The following PIGQ variants were observed in gnomAD, a reference collection of about 807,000 sequenced individuals.
The protein encoded by PIGQ is phosphatidylinositol glycan anchor biosynthesis class Q, also known as phosphatidylinositol N-acetylglucosaminyltransferase subunit Q.
Under a neutral mutation model 60.3 loss-of-function variants are expected in PIGQ, and 54 were observed. That is an observed-to-expected ratio of 0.90 (90% CI 0.72 to 1.12). The LOEUF is 1.12. Ranked by LOEUF, PIGQ falls within the 50% of genes most tolerant of loss-of-function variation. The pLI, the probability that PIGQ is intolerant of heterozygous loss-of-function variation, is 0.00. For synonymous variants in PIGQ, 416 were observed against 363.7 expected (o/e 1.14, Z -1.64); for missense variants, 799 against 793.5 (o/e 1.01, Z -0.08).
chr16:582,214 G>A lies in PIGQ; in HGVS notation c.1532-34G>A, dbSNP rs1246104131. 17 of 1,472,442 alleles carry A rather than the reference G, an allele frequency of 1.2e-5. No individual in the cohort carries two copies. The Admixed American group carries it at 1.5e-4, about 13-fold the overall frequency. The allele number at this position is 1,472,442 out of a possible 1,614,324, so 91.2% of individuals were successfully genotyped here. A position where few individuals can be genotyped will look rare whatever the true frequency, so the allele number is the denominator to read the frequency against. On this transcript the variant is annotated intron_variant, in intron 9 of 10. Coordinates refer to ENST00000321878, the MANE Select transcript of PIGQ (RefSeq NM_004204.5). ...GCTCATGTGTGGGGCCAGCCCCCAC[G>A]CGTCCCCTCGTCAGCCGCTTGCTAT...
At chr16:578,279 A>C (rs2035752022) in intron 4 of PIGQ, 100 bp from the exon 5 acceptor site, 1 of 1,262,086 alleles carries the variant, frequency 7.9e-7, no homozygotes, top group Non-Finnish European at 1.1e-6. Context: ...TGGAGGAGGG[A>C]AGGCTGGCCA....
At chr16:570,213 A>T (rs2035598548) in intron 1 of PIGQ, 117 bp downstream of exon 1, 1 of 151,708 alleles carries the variant, frequency 6.6e-6, no homozygotes, top group Admixed American at 6.6e-5. Context: ...CTCCTCCCAG[A>T]AGTGGGGCCG....
chr16:575,787 G>T, intron 2 of PIGQ, 52 bp from the exon 3 acceptor site: 2 of 1,533,402 alleles, frequency 1.3e-6, no homozygotes, highest in Non-Finnish European at 1.8e-6. Flanking sequence ...GTGGGGGACG[G>T]TGGGAGGAGG....
chr16:582,369 G>T, intron 10 of PIGQ, 60 bp downstream of exon 10: 2 of 1,276,280 alleles, frequency 1.6e-6, no homozygotes, highest in Non-Finnish European at 2.2e-6. Flanking sequence ...GGACGGTGGG[G>T]TCAGCTGGGT....
intron 8 of PIGQ, 88 bp downstream of exon 8, chr16:580,351 G>C: frequency 9.2e-7 from 1 of 1,085,208 alleles, no homozygotes. Context: ...GCTGTGGGGC[G>C]GGCTGTCTCC....
At chr16:579,045 G>C (rs1220710591) in intron 6 of PIGQ, 24 bp from the exon 7 acceptor site, 2 of 1,596,712 alleles carry the variant, frequency 1.3e-6, no homozygotes, top group African/African-American at 1.3e-5. Context: ...GCGGGGCCGG[G>C]CCCGACAGCA....
At chr16:578,549 C>T in intron 5 of PIGQ, 44 bp downstream of exon 5, 1 of 1,596,076 alleles carries the variant, frequency 6.3e-7, no homozygotes, top group African/African-American at 1.3e-5. Context: ...CCAGAGCTTG[C>T]TGAAGAGGGT....
chr16:581,125 T>A (rs1412863485), intron 9 of PIGQ, 153 bp downstream of exon 9: 1 of 1,442,014 alleles, frequency 6.9e-7, no homozygotes, highest in Non-Finnish European at 9.4e-7. Context: ...CAGGGCCTCC[T>A]AGTCCCAGAG....
At chr16:573,898 G>A (rs947011215) in intron 1 of PIGQ, among the ~76,000 whole-genome samples, 168 bp from the exon 2 acceptor site, 4 of 152,308 alleles carry the variant, frequency 2.6e-5, no homozygotes, top group East Asian at 1.9e-4. Flanking sequence ...TGGCCCACGC[G>A]AGGCGGCAGC....
rs2035714888 is a variant in PIGQ at position 576,193 on chromosome 16, C to A, written c.881C>A (p.Ser294Tyr). 12 of 1,550,098 alleles carry A rather than the reference C, an allele frequency of 7.7e-6. No individual in the cohort carries two copies. The East Asian group carries it at 2.9e-4, about 38-fold the overall frequency. ...GTGGCCCTGGGCCTCATGCTGCTGTCCTGGCTCCACGGGAGAAGCCGCATC... is the reference window on the plus strand; with the variant it reads ...GTGGCCCTGGGCCTCATGCTGCTGTACTGGCTCCACGGGAGAAGCCGCATC... ...LDVALGLMLL[S>Y]WLHGRSRIGH... The change falls in exon 4 of 11, where the codon TCC (serine) becomes TAC (tyrosine). Residue 294 changes from serine to tyrosine, a missense_variant. Physicochemically the swap from Ser to Tyr is moderately radical, Grantham distance 144. Transcript: ENST00000321878.
intron 4 of PIGQ, 79 bp from the exon 5 acceptor site, chr16:578,300 C>G (rs1200328511): frequency 1.2e-5 from 17 of 1,462,396 alleles, no homozygotes; most frequent in Non-Finnish European, 1.5e-5. Flanking sequence ...AGGTGGGAGC[C>G]CATCACGAAA....
intron 8 of PIGQ, 26 bp from the exon 9 acceptor site, chr16:580,832 C>T (rs376793010): frequency 6.8e-5 from 71 of 1,051,148 alleles, no homozygotes; most frequent in African/African-American, 1.4e-4. Context: ...CTGGCCGGGC[C>T]GGTCCTAAAT....
Position 574,450 on chromosome 16 carries a change from G to A in PIGQ, c.376G>A (p.Val126Ile), listed in dbSNP as rs552657819. Residue 126 changes from valine (V) to isoleucine (I), a missense_variant, in exon 2 of 11, where the codon GTC becomes ATC. Transcript: ENST00000321878. ...CCCCGGTGCCCCTGGTGAGGACCAG[G>A]TCATGCTCATCTTCTATGACCAGCG... ...TAPGAPGEDQVMLIFYDQRQV... is the reference protein window; with the variant it reads ...TAPGAPGEDQIMLIFYDQRQV... The A allele has an allele frequency of 1.5e-5, 24 of 1,610,926 alleles. No individual in the cohort carries two copies. The highest frequency in any genetic ancestry group is 3.3e-5 in the South Asian group (3 of 90,622).
rs375917178 is a variant in PIGQ, at chr16:580,900, C to T, written c.1459C>T (p.Leu487Phe). 11 of 1,604,512 alleles carry T rather than the reference C, an allele frequency of 6.9e-6. No homozygotes were observed. The highest frequency in any genetic ancestry group is 9.4e-6 in the Non-Finnish European group (11 of 1,174,728). ...VVAVQGLIHLLVDLINSLPLY... is the reference protein window; with the variant it reads ...VVAVQGLIHLFVDLINSLPLY... The stretch of plus-strand genomic sequence containing the variant: ...CGCCGTGCAGGGCCTGATCCATCTG[C>T]TCGTGGACCTCATCAACTCCCTGCC... The change falls in exon 9 of 11, where the codon CTC becomes TTC. Residue 487 changes from leucine to phenylalanine, a missense_variant. Coordinates refer to ENST00000321878, the MANE Select transcript of PIGQ (RefSeq NM_004204.5).
chr16:574,127 T>C lies in PIGQ; in HGVS notation c.53T>C (p.Leu18Pro). Residue 18 changes from leucine to proline, a missense_variant, in exon 2 of 11, where the codon CTG (leucine) becomes CCG (proline). Physicochemically the swap from Leu to Pro is moderately conservative, Grantham distance 98 (BLOSUM62 -3). Transcript: ENST00000321878. Reference protein sequence around the residue: ...PTCCVSTDSGLLVGRWVPEQS... With the variant: ...PTCCVSTDSGPLVGRWVPEQS... ...TGCTGCGTCTCGACGGACAGCGGGCTGCTGGTGGGACGGTGGGTGCCGGAG... is the reference window on the plus strand; with the variant it reads ...TGCTGCGTCTCGACGGACAGCGGGCCGCTGGTGGGACGGTGGGTGCCGGAG... The C allele has an allele frequency of 6.2e-7, 1 of 1,611,664 alleles. No homozygotes were observed.
chr16:579,009 G>C (rs2035769132), intron 6 of PIGQ, 60 bp from the exon 7 acceptor site: 16 of 1,547,596 alleles, frequency 1.0e-5, no homozygotes, highest in South Asian at 2.3e-5. Flanking sequence ...GGGCGTTCGA[G>C]TGGGGCGGGG....
chr16:579,891 C>T (rs1467303104), intron 7 of PIGQ: 4 of 297,596 alleles, frequency 1.3e-5, no homozygotes, highest in African/African-American at 6.5e-5. Context: ...GCTGCTCACA[C>T]TTGCCGCAGC....
rs776197045 is a variant in PIGQ, at chr16:580,888, C to G, written c.1447C>G (p.Leu483Val). 1 of 1,587,916 alleles carries G rather than the reference C, an allele frequency of 6.3e-7. No individual in the cohort carries two copies. Among genetic ancestry groups the G allele is most frequent in the South Asian group, 1.1e-5 (1 of 90,446 alleles). ...GCTCCTGGTGGTCGCCGTGCAGGGCCTGATCCATCTGCTCGTGGACCTCAT... is the reference window on the plus strand; with the variant it reads ...GCTCCTGGTGGTCGCCGTGCAGGGCGTGATCCATCTGCTCGTGGACCTCAT... Reference protein sequence around the residue: ...LRLLVVAVQGLIHLLVDLINS... With the variant: ...LRLLVVAVQGVIHLLVDLINS... Residue 483 changes from leucine (L) to valine (V), a missense_variant, in exon 9 of 11, where the codon CTG becomes GTG. Leu to Val is a conservative substitution (Grantham distance 32, BLOSUM62 1). Coordinates refer to ENST00000321878, the MANE Select transcript of PIGQ (RefSeq NM_004204.5).
In PIGQ at chr16:575,843, T is replaced by G; in HGVS notation, c.694T>G (p.Phe232Val). 2 of 1,564,018 alleles carry G rather than the reference T, an allele frequency of 1.3e-6. No individual in the cohort carries two copies. Among genetic ancestry groups the G allele is most frequent in the Non-Finnish European group, 1.7e-6 (2 of 1,153,788 alleles). Residue 232 changes from phenylalanine (F) to valine (V), a missense_variant, in exon 3 of 11, where the codon TTC becomes GTC. Coordinates refer to ENST00000321878, the MANE Select transcript of PIGQ (RefSeq NM_004204.5). The stretch of plus-strand genomic sequence containing the variant: ...CTCCTCTCCACTCCCACGCAGAGTG[T>G]TCAAGCTCTGGCCCCTGTCCTTCCT... ...LVSAVSACRVFKLWPLSFLGS... is the reference protein window; with the variant it reads ...LVSAVSACRVVKLWPLSFLGS...
Sources: gnomAD v4.1 joint callset for allele counts (sites outside exome capture counted in the v4.1 genomes callset) on GRCh38, gnomAD v4.1.1 for gene constraint, MANE v1.5 for transcripts, NCBI Gene and HGNC (gene_info 2026-07-23, HGNC 2026-07-21) for gene names.